KCNH5: variants seen among roughly 807,000 people sequenced by gnomAD.
KCNH5 encodes voltage-gated delayed rectifier potassium channel KCNH5.
In KCNH5, 46 loss-of-function variants were observed where a neutral mutation model predicts 96.1. The observed-to-expected ratio is 0.48, with a 90% confidence interval of 0.38 to 0.61. The LOEUF (loss-of-function observed/expected upper bound fraction) is 0.61, where lower values mean the gene tolerates loss of function less well. KCNH5 is among the 20% of genes least tolerant of loss of function. KCNH5 has a pLI of 0.00. For missense variants in KCNH5, 907 were observed against 1,225.8 expected, an observed-to-expected ratio of 0.74 and a Z score of 3.88; for synonymous variants, 439 against 449.8, an observed-to-expected ratio of 0.98 and a Z score of 0.30.
intron 10 of KCNH5, among the ~76,000 whole-genome samples, chr14:62,737,227 A>T (rs1228851887): frequency 1.3e-5 from 2 of 152,184 alleles, no homozygotes; most frequent in Admixed American, 6.5e-5. Flanking sequence ...ATTTAATCTC[A>T]ACAAGGACTT....
intron 7 of KCNH5, among the ~76,000 whole-genome samples, chr14:62,865,127 C>CA (rs2140060425): frequency 6.6e-6 from 1 of 151,912 alleles, no homozygotes; most frequent in African/African-American, 2.4e-5. Flanking sequence ...TCAATTTCAC[C>CA]AAAAAAATAA....
rs1884330089 is a variant in KCNH5, at chr14:62,700,419, T to G, written c.*7089A>C. On this transcript the variant is annotated 3_prime_UTR_variant, in exon 11 of 11. Coordinates refer to ENST00000322893, the MANE Select transcript of KCNH5 (RefSeq NM_139318.5). ...TGGAAGGCGACTGCTTGATGGAAGA[T>G]GCTGGTGCAGTCAACCCTAAGGAGA... 6.6e-6 allele frequency: 1 copy of G among 152,198 alleles called. No homozygotes were observed. Among genetic ancestry groups the G allele is most frequent in the African/African-American group, 2.4e-5 (1 of 41,464 alleles). The allele number at this position is 152,198 out of a possible 1,614,324, so 9.4% of individuals were successfully genotyped here.
At chr14:62,989,751 A>C (rs1386900350) in intron 4 of KCNH5, among the ~76,000 whole-genome samples, 2 of 152,140 alleles carry the variant, frequency 1.3e-5, no homozygotes, top group African/African-American at 4.8e-5. Context: ...GGCATAAAAT[A>C]CACCATAAAA....
At chr14:62,762,346 G>A (rs1220486610) in intron 10 of KCNH5, among the ~76,000 whole-genome samples, 1 of 152,122 alleles carries the variant, frequency 6.6e-6, no homozygotes, top group African/African-American at 2.4e-5. Flanking sequence ...CCCACTTGCA[G>A]CACAGCCTTG....
At chr14:62,862,839 A>G (rs1296477410) in intron 7 of KCNH5, among the ~76,000 whole-genome samples, 1 of 152,236 alleles carries the variant, frequency 6.6e-6, no homozygotes, top group Non-Finnish European at 1.5e-5. Context: ...AATGAGCAGA[A>G]GAACCAATTG....
At chr14:62,804,759 T>C (rs1019780132) in intron 8 of KCNH5, among the ~76,000 whole-genome samples, 4 of 152,206 alleles carry the variant, frequency 2.6e-5, no homozygotes, top group African/African-American at 9.6e-5. Context: ...ATCTTAGGCT[T>C]ATTGCAGAAA....
chr14:62,806,311 T>A (rs1474986176), intron 8 of KCNH5, among the ~76,000 whole-genome samples: 1 of 152,136 alleles, frequency 6.6e-6, no homozygotes, highest in Non-Finnish European at 1.5e-5. Flanking sequence ...TTTACTTTCT[T>A]AATAAACTTG....
chr14:62,982,674 TAA>T (rs1890632336), intron 5 of KCNH5, among the ~76,000 whole-genome samples: 1 of 152,236 alleles, frequency 6.6e-6, no homozygotes, highest in Non-Finnish European at 1.5e-5. Flanking sequence ...GAGAGTATCC[TAA>T]AGTTCCTCTC....
intron 9 of KCNH5, 62 bp downstream of exon 9, chr14:62,802,267 A>G: frequency 6.5e-7 from 1 of 1,548,948 alleles, no homozygotes; most frequent in Non-Finnish European, 8.8e-7. Context: ...AAAAATGCGA[A>G]AAGCAAAATA....
At chr14:62,817,273 TAC>T (rs962073151) in intron 8 of KCNH5, among the ~76,000 whole-genome samples, 1 of 132,920 alleles carries the variant, frequency 7.5e-6, no homozygotes, top group East Asian at 2.1e-4. Flanking sequence ...TATATATATA[TAC>T]ACACACACAC....
intron 1 of KCNH5, among the ~76,000 whole-genome samples, chr14:63,033,495 A>C (rs1474854908): frequency 6.6e-6 from 1 of 152,202 alleles, no homozygotes; most frequent in Non-Finnish European, 1.5e-5. Context: ...ATTAGATCCC[A>C]ATGCACACGA....
chr14:62,773,285 C>G (rs151046203), intron 10 of KCNH5, among the ~76,000 whole-genome samples: 1 of 152,166 alleles, frequency 6.6e-6, no homozygotes, highest in Non-Finnish European at 1.5e-5. Flanking sequence ...ATATACAAGA[C>G]GCATCCTTGT....
At chr14:62,742,838 A>G (rs1885299264) in intron 10 of KCNH5, among the ~76,000 whole-genome samples, 1 of 152,194 alleles carries the variant, frequency 6.6e-6, no homozygotes, top group Admixed American at 6.5e-5. Flanking sequence ...TCCCTTGGAA[A>G]GCTTATTCAA....
At chr14:62,753,716 C>G (rs1291620334) in intron 10 of KCNH5, among the ~76,000 whole-genome samples, 1 of 152,076 alleles carries the variant, frequency 6.6e-6, no homozygotes, top group South Asian at 2.1e-4. Context: ...AGAAAAAAAC[C>G]CTTTTACCCT....
chr14:62,812,146 A>G (rs1487348679), intron 8 of KCNH5, among the ~76,000 whole-genome samples: 1 of 152,130 alleles, frequency 6.6e-6, no homozygotes, highest in African/African-American at 2.4e-5. Context: ...AAAATATAAT[A>G]TCTGGTACCT....
chr14:62,850,179 T>C (rs1348333737), intron 7 of KCNH5, among the ~76,000 whole-genome samples: 1 of 152,174 alleles, frequency 6.6e-6, no homozygotes. Context: ...CCTAAGAAAT[T>C]CTATTTGTTA....
chr14:62,979,913 TGTGTCCC>T (rs1282935418), intron 6 of KCNH5, among the ~76,000 whole-genome samples: 3 of 152,240 alleles, frequency 2.0e-5, no homozygotes, highest in Non-Finnish European at 4.4e-5. Context: ...GGTTTGGCTC[TGTGTCCC>T]CACCCAAATC....
intron 9 of KCNH5, among the ~76,000 whole-genome samples, chr14:62,784,341 G>C (rs1021346): frequency 0.14 from 21,410 of 152,190 alleles, 1,728 homozygotes; most frequent in Admixed American, 0.19. Flanking sequence ...TTCAAGGTGA[G>C]ATTTGGGTGG....
At chr14:62,741,771 A>AT (rs1394196209) in intron 10 of KCNH5, among the ~76,000 whole-genome samples, 1 of 152,086 alleles carries the variant, frequency 6.6e-6, no homozygotes. Flanking sequence ...TCCTGCTTTT[A>AT]TTTTACGGTA....
Sources: allele counts gnomAD v4.1 joint callset (sites outside exome capture counted in the v4.1 genomes callset), GRCh38; gene constraint gnomAD v4.1.1; transcripts MANE v1.5; gene names NCBI Gene and HGNC (gene_info 2026-07-23, HGNC 2026-07-21).